The following GABRB1 variants were observed in gnomAD, a reference collection of about 807,000 sequenced individuals.
GABRB1 encodes the protein gamma-aminobutyric acid type A receptor subunit beta1.
A neutral mutation model predicts 51.6 loss-of-function variants in GABRB1; 17 were observed. That is an observed-to-expected ratio of 0.33 (90% CI 0.23 to 0.49). The LOEUF (loss-of-function observed/expected upper bound fraction) is 0.49. Among genes scored for constraint, GABRB1 ranks in the 20% least tolerant of loss-of-function variants. The probability of loss-of-function intolerance (pLI) is 0.99; values close to 1 mark genes in which losing one functional copy is unlikely to be tolerated. For synonymous variants in GABRB1, 247 were observed against 218.9 expected, an observed-to-expected ratio of 1.13 and a Z score of -1.14; for missense variants, 410 against 600.6, an observed-to-expected ratio of 0.68 and a Z score of 3.32.
chr4:47,212,433 T>G lies in GABRB1; in HGVS notation c.461+50964T>G, dbSNP rs377418370. ...GGCTCACGCCTGTAATCCCAGCACT[T>G]TGGGAGGCTGAGGCCTTTGGATCAC... On this transcript the variant is annotated intron_variant, in intron 4 of 8. Coordinates refer to ENST00000295454, the MANE Select transcript of GABRB1 (RefSeq NM_000812.4). Among the ~76,000 whole-genome samples, 11 of 152,106 alleles carry G rather than the reference T, an allele frequency of 7.2e-5. No homozygotes were observed. In the South Asian group the frequency reaches 2.3e-3, roughly 32 times the overall value.
chr4:47,294,842 A>G (rs1723905530), intron 4 of GABRB1, among the ~76,000 whole-genome samples: 1 of 152,186 alleles, frequency 6.6e-6, no homozygotes, highest in South Asian at 2.1e-4. Context: ...GAGCAGCCTA[A>G]CTGGGAGGCA....
At chr4:47,062,734 T>C (rs1001322710) in intron 3 of GABRB1, among the ~76,000 whole-genome samples, 3 of 152,170 alleles carry the variant, frequency 2.0e-5, no homozygotes, top group Non-Finnish European at 4.4e-5. Context: ...AAGGCGTCCT[T>C]AAGCATGTCT....
intron 5 of GABRB1, among the ~76,000 whole-genome samples, chr4:47,329,709 A>ATAT (rs988822273): frequency 5.4e-5 from 8 of 148,958 alleles, no homozygotes; most frequent in African/African-American, 1.7e-4. Context: ...TAGATATCAT[A>ATAT]TATATGATAC....
chr4:47,421,981 T>C (rs1026067660), intron 8 of GABRB1, among the ~76,000 whole-genome samples: 3 of 152,154 alleles, frequency 2.0e-5, no homozygotes, highest in East Asian at 1.9e-4. Flanking sequence ...ATTTTGGTCC[T>C]CATCACTTCA....
At chr4:47,182,409 C>A (rs1004380383) in intron 4 of GABRB1, among the ~76,000 whole-genome samples, 2 of 151,958 alleles carry the variant, frequency 1.3e-5, no homozygotes, top group Non-Finnish European at 2.9e-5. Context: ...AATTGATGAG[C>A]AAATGATCCA....
At position 47,422,131 on chromosome 4, in the gene GABRB1, A is replaced by G. The variant is rs144697881; in HGVS notation, c.1081-3543A>G. On this transcript the variant is annotated intron_variant, in intron 8 of 8. Coordinates refer to ENST00000295454, the MANE Select transcript of GABRB1 (RefSeq NM_000812.4). ...ACCTGATCTCAAATCCCCAGCAAAC[A>G]TTAGCACATGTTCCCATTGCTCAGA... Among the ~76,000 whole-genome samples, 672 of 151,262 alleles carry G rather than the reference A, an allele frequency of 4.4e-3. 6 individuals carry two copies. The highest frequency in any genetic ancestry group is 7.1e-3 in the Non-Finnish European group (478 of 67,332).
At chr4:47,372,812 C>A (rs1217006889) in intron 5 of GABRB1, among the ~76,000 whole-genome samples, 2 of 152,154 alleles carry the variant, frequency 1.3e-5, no homozygotes, top group South Asian at 2.1e-4. Flanking sequence ...TGAGTGAGTT[C>A]TGGGGAGGTG....
intron 3 of GABRB1, among the ~76,000 whole-genome samples, chr4:47,034,980 C>CA (rs1725488475): frequency 6.6e-6 from 1 of 151,698 alleles, no homozygotes; most frequent in African/African-American, 2.4e-5. Context: ...CATTAAATGA[C>CA]AAGAATATAA....
At chr4:47,312,420 G>A (rs1213896308) in intron 4 of GABRB1, among the ~76,000 whole-genome samples, 1 of 91,908 alleles carries the variant, frequency 1.1e-5, no homozygotes, top group East Asian at 3.9e-4. Flanking sequence ...AGTATTAGCT[G>A]CAAAAAATCT....
chr4:47,108,612 T>C (rs1240882267), intron 3 of GABRB1, among the ~76,000 whole-genome samples: 1 of 152,108 alleles, frequency 6.6e-6, no homozygotes, highest in Non-Finnish European at 1.5e-5. Context: ...GTATTGCTCT[T>C]CAGCCATACT....
intron 3 of GABRB1, among the ~76,000 whole-genome samples, chr4:47,076,631 G>A (rs749192456): frequency 6.6e-6 from 1 of 150,914 alleles, no homozygotes; most frequent in Non-Finnish European, 1.5e-5. Flanking sequence ...CTGACAGCCA[G>A]CAGCCGATTA....
At chr4:47,060,720 T>C (rs1726813814) in intron 3 of GABRB1, among the ~76,000 whole-genome samples, 1 of 152,152 alleles carries the variant, frequency 6.6e-6, no homozygotes, top group Admixed American at 6.5e-5. Flanking sequence ...AGGCTAATAT[T>C]AATGAATTCA....
At chr4:47,074,041 AT>A (rs1416937297) in intron 3 of GABRB1, among the ~76,000 whole-genome samples, 3 of 152,244 alleles carry the variant, frequency 2.0e-5, no homozygotes, top group Admixed American at 6.5e-5. Context: ...ACAATATGTA[AT>A]TTAAATATGT....
chr4:47,023,488 G>A (rs1444816211), intron 1 of GABRB1, among the ~76,000 whole-genome samples: 6 of 151,604 alleles, frequency 4.0e-5, no homozygotes, highest in African/African-American at 1.5e-4. Flanking sequence ...TTAAAGTTTT[G>A]TCATTTCATG....
In GABRB1 at chr4:47,337,647, T is replaced by A. The variant is rs560833770; in HGVS notation, c.544+17438T>A. 5.9e-5 allele frequency among the ~76,000 whole-genome samples: 9 copies of A among 151,616 alleles called. No homozygotes were observed. In the East Asian group the frequency reaches 1.6e-3, roughly 26 times the overall value. On this transcript the variant is annotated intron_variant, in intron 5 of 8. Transcript: ENST00000295454. ...GGTTTAGTAGAAACCCCGCCTCTACTAAAAATACAAAAATCAGCTAGGTTT... is the reference window on the plus strand; with the variant it reads ...GGTTTAGTAGAAACCCCGCCTCTACAAAAAATACAAAAATCAGCTAGGTTT...
intron 2 of GABRB1, 147 bp downstream of exon 2, chr4:47,032,152 ACACACACACC>A: frequency 1.5e-6 from 1 of 688,878 alleles, no homozygotes. Flanking sequence ...ACACACACAC[ACACACACACC>A]CCGGGTCCCC....
At chr4:47,070,549 C>T (rs1727290739) in intron 3 of GABRB1, among the ~76,000 whole-genome samples, 1 of 152,096 alleles carries the variant, frequency 6.6e-6, no homozygotes, top group African/African-American at 2.4e-5. Flanking sequence ...CTAGGCTGTT[C>T]TCGAACTCCT....
intron 4 of GABRB1, among the ~76,000 whole-genome samples, chr4:47,184,371 A>T (rs1448364663): frequency 1.3e-5 from 2 of 151,948 alleles, no homozygotes; most frequent in African/African-American, 4.8e-5. Flanking sequence ...AAGAACTGGT[A>T]TGTTTCTAAC....
At chr4:47,012,433 G>A (rs1267037704) in intron 1 of GABRB1, among the ~76,000 whole-genome samples, 2 of 152,014 alleles carry the variant, frequency 1.3e-5, no homozygotes. Flanking sequence ...TCACTTATAA[G>A]TGAGAACATG....
Sources: gnomAD v4.1 joint callset for allele counts (sites outside exome capture counted in the v4.1 genomes callset) on GRCh38, gnomAD v4.1.1 for gene constraint, MANE v1.5 for transcripts, NCBI Gene and HGNC (gene_info 2026-07-23, HGNC 2026-07-21) for gene names.